The following STK3 variants were observed in gnomAD, a reference collection of about 807,000 sequenced individuals.
STK3 encodes the protein serine/threonine-protein kinase 3.
A neutral mutation model predicts 58.0 loss-of-function variants in STK3; 41 were observed. That is an observed-to-expected ratio of 0.71 (90% CI 0.55 to 0.92). The LOEUF is 0.92. Ranked by LOEUF, STK3 falls within the 40% of genes least tolerant of loss-of-function variation. STK3 has a pLI of 0.00. For missense variants in STK3, 479 were observed against 602.7 expected (o/e 0.79, Z 2.15); for synonymous variants, 170 against 191.0 (o/e 0.89, Z 0.91).
intron 3 of STK3, among the ~76,000 whole-genome samples, chr8:98,750,678 G>A (rs1455854090): frequency 6.6e-6 from 1 of 151,108 alleles, no homozygotes; most frequent in Non-Finnish European, 1.5e-5. Flanking sequence ...GATGTACAAA[G>A]AAGAGCTGGT....
At chr8:98,897,025 GA>G (rs1564089740) in intron 1 of STK3, among the ~76,000 whole-genome samples, 5 of 150,620 alleles carry the variant, frequency 3.3e-5, no homozygotes, top group Non-Finnish European at 5.9e-5. Context: ...GAAAGAGAAA[GA>G]GAAAGAAAGA....
intron 6 of STK3, among the ~76,000 whole-genome samples, chr8:98,662,906 G>C (rs1822069210): frequency 6.6e-6 from 1 of 151,654 alleles, no homozygotes; most frequent in Admixed American, 6.6e-5. Flanking sequence ...TTAAATGTTA[G>C]ACCTAAAACC....
chr8:98,537,090 A>G (rs1809827298), intron 9 of STK3, among the ~76,000 whole-genome samples: 1 of 152,228 alleles, frequency 6.6e-6, no homozygotes. Context: ...CAACTTAAAT[A>G]AAAGAAGGAG....
chr8:98,535,537 TAAG>T (rs1340201085), intron 9 of STK3, among the ~76,000 whole-genome samples: 1 of 151,756 alleles, frequency 6.6e-6, no homozygotes. Context: ...AACTGGGAGA[TAAG>T]AAACTCTTCA....
chr8:98,456,878 C>T (rs540614546), intron 10 of STK3, among the ~76,000 whole-genome samples: 2 of 152,236 alleles, frequency 1.3e-5, no homozygotes, highest in Admixed American at 6.5e-5. Context: ...TCCTTTTACT[C>T]GCCATCCCTG....
intron 10 of STK3, 32 bp from the exon 11 acceptor site, chr8:98,456,032 G>A: frequency 6.4e-7 from 1 of 1,563,912 alleles, no homozygotes; most frequent in Non-Finnish European, 8.7e-7. Context: ...CCAATACAAT[G>A]AAATTATCCA....
chr8:98,715,980 T>C (rs1477276809), intron 4 of STK3, among the ~76,000 whole-genome samples: 1 of 151,950 alleles, frequency 6.6e-6, no homozygotes, highest in Admixed American at 6.6e-5. Context: ...ATGTTCTTTG[T>C]AGGGACATGG....
At chr8:98,727,208 G>C (rs1827853961) in intron 4 of STK3, among the ~76,000 whole-genome samples, 1 of 152,142 alleles carries the variant, frequency 6.6e-6, no homozygotes, top group African/African-American at 2.4e-5. Context: ...GCTCAGAGAA[G>C]GGCACATGAC....
At chr8:98,864,873 GCTTCCACTCCTT>G (rs753534422) in intron 3 of STK3, among the ~76,000 whole-genome samples, 1 of 152,122 alleles carries the variant, frequency 6.6e-6, no homozygotes, top group Non-Finnish European at 1.5e-5. Context: ...CATATTGGCT[GCTTCCACTCCTT>G]CTATTACAGC....
chr8:98,839,049 T>TGG (rs34154680), intron 3 of STK3, among the ~76,000 whole-genome samples: 36 of 148,168 alleles, frequency 2.4e-4, no homozygotes, highest in African/African-American at 8.7e-4. Context: ...GTTTGATTTT[T>TGG]GGGGGGGGGC....
intron 10 of STK3, among the ~76,000 whole-genome samples, chr8:98,458,020 G>GA (rs1819629591): frequency 1.3e-5 from 2 of 152,010 alleles, no homozygotes; most frequent in Admixed American, 1.3e-4. Context: ...CATTATTAAG[G>GA]AATTAGGTGT....
chr8:98,528,210 A>G (rs1374847437), intron 9 of STK3, among the ~76,000 whole-genome samples: 2 of 152,160 alleles, frequency 1.3e-5, no homozygotes, highest in African/African-American at 4.8e-5. Flanking sequence ...TTTGATTTTA[A>G]TTTCCATATT....
intron 9 of STK3, among the ~76,000 whole-genome samples, chr8:98,541,424 C>T (rs1810269101): frequency 6.6e-6 from 1 of 152,152 alleles, no homozygotes; most frequent in Non-Finnish European, 1.5e-5. Flanking sequence ...CCGTCCCCTT[C>T]CACCATGATT....
At chr8:98,762,554 G>A (rs536418507) in intron 3 of STK3, among the ~76,000 whole-genome samples, 169 of 152,282 alleles carry the variant, frequency 1.1e-3, no homozygotes, top group South Asian at 5.4e-3. Context: ...GCACCCGGCC[G>A]AGACCCATTC....
intron 10 of STK3, among the ~76,000 whole-genome samples, chr8:98,524,225 A>G (rs1325831659): frequency 6.6e-6 from 1 of 152,220 alleles, no homozygotes; most frequent in East Asian, 1.9e-4. Flanking sequence ...TGTCTTTCTG[A>G]CAGTACCACA....
At chr8:98,484,978 G>A (rs537886352) in intron 10 of STK3, among the ~76,000 whole-genome samples, 88 of 152,084 alleles carry the variant, frequency 5.8e-4, no homozygotes, top group Non-Finnish European at 1.1e-3. Context: ...GGTGGCTCAC[G>A]CCTGTAATCT....
At chr8:98,666,855 G>A (rs753708438) in intron 6 of STK3, among the ~76,000 whole-genome samples, 2 of 152,076 alleles carry the variant, frequency 1.3e-5, no homozygotes, top group Non-Finnish European at 2.9e-5. Context: ...TACAGCAGGT[G>A]GAAAAAATGC....
downstream of STK3, chr8:98,881,536 A>G (rs1837793370): frequency 6.6e-6 from 1 of 152,246 alleles, no homozygotes; most frequent in Non-Finnish European, 1.5e-5. Flanking sequence ...AGTTAATAAT[A>G]ATGAATCAAT....
intron 6 of STK3, among the ~76,000 whole-genome samples, chr8:98,614,446 G>A (rs756859092): frequency 1.8e-4 from 27 of 151,994 alleles, no homozygotes; most frequent in Non-Finnish European, 2.5e-4. Context: ...TGTCTCGATC[G>A]GGGGAGGAGC....
Sources: gnomAD v4.1 joint callset for allele counts (sites outside exome capture counted in the v4.1 genomes callset) on GRCh38, gnomAD v4.1.1 for gene constraint, MANE v1.5 for transcripts, NCBI Gene and HGNC (gene_info 2026-07-23, HGNC 2026-07-21) for gene names.